Variants in BNC2 observed in about 807,000 individuals in gnomAD.
BNC2 encodes zinc finger protein basonuclin-2.
BNC2 carries 20 observed loss-of-function variants against 76.3 expected under a neutral mutation model. The ratio of observed to expected loss-of-function variants is 0.26; its 90% confidence interval spans 0.18 to 0.38. The LOEUF (loss-of-function observed/expected upper bound fraction) is 0.38, where lower values mean the gene tolerates loss of function less well. Among genes scored for constraint, BNC2 ranks in the 10% least tolerant of loss-of-function variants. BNC2 has a pLI of 1.00. For synonymous variants in BNC2, 582 were observed against 514.8 expected (o/e 1.13, Z -1.77); for missense variants, 1,382 against 1,399.8 (o/e 0.99, Z 0.20).
chr9:16,561,238 CAAA>C, intron 4 of BNC2, among the ~76,000 whole-genome samples: 1 of 120,898 alleles, frequency 8.3e-6, no homozygotes, highest in African/African-American at 2.9e-5. Context: ...AACTCCGCCT[CAAA>C]AAAAAAAAAA....
Position 16,506,508 on chromosome 9 carries a change from CTCCTCTTTTTTTTTTTTTT to C in BNC2, c.669+46003_669+46021del, listed in dbSNP as rs1563814927. Among the ~76,000 whole-genome samples the C allele has an allele frequency of 4.7e-5, 6 of 127,170 alleles. 1 individual carries two copies. The allele number at this position is 127,170 out of a possible 152,430, so 83.4% of individuals were successfully genotyped here. ...ATAAAGTACACTTCTCTCTCTCTCT[CTCCTCTTTTTTTTTTTTTT>C]TTTTTTTTTTTTTTTTTGACGGAAT... On this transcript the variant is annotated intron_variant, in intron 5 of 6. Coordinates refer to ENST00000380672, the MANE Select transcript of BNC2 (RefSeq NM_017637.6).
In BNC2 at chr9:16,687,230, C is replaced by T. The variant is rs145304296; in HGVS notation, c.330+40567G>A. ...ATTTTAAAAAAAAATGTAATAACTA[C>T]ATTTAGTGGCATCCATTCTAGAGGT... is the stretch of plus-strand genomic sequence containing the variant. On this transcript the variant is annotated intron_variant, in intron 3 of 6. Coordinates refer to ENST00000380672, the MANE Select transcript of BNC2 (RefSeq NM_017637.6). Among the ~76,000 whole-genome samples the T allele has an allele frequency of 3.4e-4, 51 of 152,130 alleles. No homozygotes were observed. The East Asian group carries it at 8.7e-3, about 26-fold the overall frequency.
intron 5 of BNC2, among the ~76,000 whole-genome samples, chr9:16,438,105 G>A (rs1025008454): frequency 4.0e-5 from 6 of 151,140 alleles, no homozygotes; most frequent in Non-Finnish European, 8.9e-5. Context: ...TTACTAAACT[G>A]TATCTTTTTT....
At chr9:16,738,564 G>A (rs200950592) in intron 1 of BNC2, 79 bp from the exon 2 acceptor site, 1 of 600,128 alleles carries the variant, frequency 1.7e-6, no homozygotes, top group Non-Finnish European at 2.8e-6. Context: ...AAAACTTTAA[G>A]AAATTGCAAA....
At chr9:16,679,212 C>G (rs1822749951) in intron 3 of BNC2, among the ~76,000 whole-genome samples, 1 of 152,092 alleles carries the variant, frequency 6.6e-6, no homozygotes, top group Non-Finnish European at 1.5e-5. Flanking sequence ...TTCTTTCTGC[C>G]CATCCACCTA....
At chr9:16,678,539 C>T (rs1312341842) in intron 3 of BNC2, among the ~76,000 whole-genome samples, 5 of 151,884 alleles carry the variant, frequency 3.3e-5, no homozygotes, top group African/African-American at 9.7e-5. Flanking sequence ...GCTGGGATTA[C>T]AGGCGTGAGC....
chr9:16,840,874 A>G (rs995356870), intron 1 of BNC2, among the ~76,000 whole-genome samples: 8 of 152,210 alleles, frequency 5.3e-5, no homozygotes, highest in African/African-American at 1.9e-4. Flanking sequence ...TTTAAATACC[A>G]TAACATATTT....
intron 5 of BNC2, among the ~76,000 whole-genome samples, chr9:16,512,833 T>G (rs1822790227): frequency 6.7e-6 from 1 of 148,738 alleles, no homozygotes; most frequent in Non-Finnish European, 1.5e-5. Context: ...CAAAATAAAC[T>G]TTTAAAAAAT....
chr9:16,422,980 G>C (rs1031408786), intron 6 of BNC2, among the ~76,000 whole-genome samples: 1 of 152,160 alleles, frequency 6.6e-6, no homozygotes, highest in Non-Finnish European at 1.5e-5. Context: ...GAGAAGTTGG[G>C]AGAGACACAG....
chr9:16,576,560 C>G (rs528439354), intron 4 of BNC2, among the ~76,000 whole-genome samples: 1 of 152,294 alleles, frequency 6.6e-6, no homozygotes, highest in Admixed American at 6.5e-5. Flanking sequence ...AGAACATAGA[C>G]TGGGACAAAT....
chr9:16,658,855 ACT>A (rs1404601672), intron 3 of BNC2, among the ~76,000 whole-genome samples: 1 of 151,760 alleles, frequency 6.6e-6, no homozygotes, highest in East Asian at 1.9e-4. Flanking sequence ...TTTCTCTTAC[ACT>A]CTTTTCCCTC....
intron 3 of BNC2, among the ~76,000 whole-genome samples, chr9:16,605,170 A>G (rs758010237): frequency 2.0e-5 from 3 of 152,252 alleles, no homozygotes; most frequent in Non-Finnish European, 4.4e-5. Flanking sequence ...TTCACCAACA[A>G]TAAATTAGTA....
At chr9:16,536,613 CA>C (rs1449902498) in intron 5 of BNC2, among the ~76,000 whole-genome samples, 3 of 152,044 alleles carry the variant, frequency 2.0e-5, no homozygotes, top group Non-Finnish European at 4.4e-5. Flanking sequence ...GCCCTGTCTA[CA>C]ATAACTGTAA....
At chr9:16,745,100 C>A (rs1824962310) in intron 1 of BNC2, among the ~76,000 whole-genome samples, 1 of 152,144 alleles carries the variant, frequency 6.6e-6, no homozygotes, top group African/African-American at 2.4e-5. Context: ...AAGTTCATCT[C>A]TGAAGTGGAA....
At chr9:16,868,599 C>A (rs990106103) in intron 1 of BNC2, among the ~76,000 whole-genome samples, 10 of 152,184 alleles carry the variant, frequency 6.6e-5, no homozygotes, top group African/African-American at 2.4e-4. Flanking sequence ...AAAAGATACT[C>A]AAAACAAAGT....
intron 1 of BNC2, among the ~76,000 whole-genome samples, chr9:16,740,267 G>A (rs572911338): frequency 6.6e-6 from 1 of 152,240 alleles, no homozygotes; most frequent in East Asian, 1.9e-4. Flanking sequence ...AAACCAAAAG[G>A]CATGGGAATA....
intron 5 of BNC2, among the ~76,000 whole-genome samples, chr9:16,458,033 G>A (rs1341683184): frequency 1.3e-5 from 2 of 152,124 alleles, no homozygotes; most frequent in African/African-American, 4.8e-5. Flanking sequence ...GAGGTAGAAT[G>A]TCTGTCTTTA....
intron 5 of BNC2, among the ~76,000 whole-genome samples, chr9:16,450,495 C>T (rs181237206): frequency 2.0e-5 from 3 of 152,270 alleles, no homozygotes; most frequent in East Asian, 1.9e-4. Flanking sequence ...CTATATGACA[C>T]CAAGGTGGCT....
At chr9:16,855,969 T>C (rs1819245619) in intron 1 of BNC2, among the ~76,000 whole-genome samples, 1 of 152,176 alleles carries the variant, frequency 6.6e-6, no homozygotes, top group Non-Finnish European at 1.5e-5. Context: ...AGCAGATTTA[T>C]TACCTTAGCA....
Sources: allele counts gnomAD v4.1 joint callset (sites outside exome capture counted in the v4.1 genomes callset), GRCh38; gene constraint gnomAD v4.1.1; transcripts MANE v1.5; gene names NCBI Gene and HGNC (gene_info 2026-07-23, HGNC 2026-07-21).